The following VDAC3 variants were observed in gnomAD, a reference collection of about 807,000 sequenced individuals.
VDAC3 encodes non-selective voltage-gated ion channel VDAC3.
VDAC3 carries 7 observed loss-of-function variants against 33.9 expected under a neutral mutation model. The ratio of observed to expected loss-of-function variants is 0.21; its 90% CI spans 0.12 to 0.39. VDAC3 has a LOEUF of 0.39. Among genes scored for constraint, VDAC3 ranks in the 10% least tolerant of loss-of-function variants. The pLI, the probability that VDAC3 is intolerant of heterozygous loss-of-function variation, is 1.00. For synonymous variants in VDAC3, 100 were observed against 122.4 expected (o/e 0.82, Z 1.21); for missense variants, 261 against 334.5 (o/e 0.78, Z 1.71).
intron 6 of VDAC3, among the ~76,000 whole-genome samples, chr8:42,400,375 T>C (rs1802396025): frequency 6.6e-6 from 1 of 151,280 alleles, no homozygotes; most frequent in African/African-American, 2.4e-5. Context: ...CCTCACCCTC[T>C]CTTATGGTGC....
intron 7 of VDAC3, chr8:42,402,946 T>G (rs1189404636): frequency 5.3e-6 from 1 of 188,580 alleles, no homozygotes; most frequent in African/African-American, 2.4e-5. Flanking sequence ...TTTTTATTTT[T>G]TTGCAGAATC....
intron 4 of VDAC3, chr8:42,397,503 C>G (rs893998884): frequency 2.0e-5 from 3 of 152,114 alleles, no homozygotes; most frequent in Non-Finnish European, 4.4e-5. Flanking sequence ...CAGAAATGCT[C>G]CCTAAAACAG....
Position 42,405,532 on chromosome 8 carries a change from T to C in VDAC3, c.*70T>C. The C allele has an allele frequency of 3.8e-6, 5 of 1,318,204 alleles. No individual in the cohort carries two copies. Among genetic ancestry groups the C allele is most frequent in the Non-Finnish European group, 5.4e-6 (5 of 931,658 alleles). The allele number at this position is 1,318,204 out of a possible 1,614,324, so 81.7% of individuals were successfully genotyped here. ...AAATGAACCCACTATGTTTTGGCCT[T>C]AAAATTCTTCTGTGAAATTTCAAAA... is the stretch of plus-strand genomic sequence containing the variant. On this transcript the variant is annotated 3_prime_UTR_variant, in exon 10 of 10. Transcript: ENST00000022615.
chr8:42,403,740 G>A lies in VDAC3; in HGVS notation c.702+279G>A, dbSNP rs181203712. On this transcript the variant is annotated intron_variant, in intron 8 of 9. Transcript: ENST00000022615. ...AAAATACAAAAATTAGGTGGGCGTG[G>A]TAGGTGACGCCTGTAGTCCCAGCTA... 4.6e-5 allele frequency among the ~76,000 whole-genome samples: 7 copies of A among 152,274 alleles called. No individual in the cohort carries two copies. In the East Asian group the frequency reaches 1.2e-3, roughly 25 times the overall value.
intron 7 of VDAC3, chr8:42,402,234 C>T: frequency 1.7e-6 from 1 of 585,276 alleles, no homozygotes; most frequent in Admixed American, 3.0e-5. Context: ...GCACCCCAAA[C>T]TTGAGGAAGC....
chr8:42,398,250 G>A (rs2130887885), intron 4 of VDAC3, among the ~76,000 whole-genome samples: 1 of 152,300 alleles, frequency 6.6e-6, no homozygotes, highest in East Asian at 1.9e-4. Flanking sequence ...GAGAAGTAGA[G>A]TAATGGAAAG....
intron 6 of VDAC3, among the ~76,000 whole-genome samples, 164 bp downstream of exon 6, chr8:42,399,867 C>T (rs532956282): frequency 6.6e-6 from 1 of 152,176 alleles, no homozygotes; most frequent in African/African-American, 2.4e-5. Flanking sequence ...AAAGGAAGAT[C>T]CCTCCCCACC....
chr8:42,394,419 G>T, intron 3 of VDAC3, 141 bp downstream of exon 3: 1 of 723,820 alleles, frequency 1.4e-6, no homozygotes, highest in Non-Finnish European at 2.3e-6. Context: ...CTATTAACAG[G>T]CTATTAGACC....
chr8:42,404,973 GAA>G (rs758885086), intron 9 of VDAC3, 49 bp downstream of exon 9: 5 of 1,528,360 alleles, frequency 3.3e-6, no homozygotes, highest in Admixed American at 1.7e-5. Context: ...AGGTGATAGA[GAA>G]AACAATGAAA....
intron 6 of VDAC3, among the ~76,000 whole-genome samples, chr8:42,400,918 T>A (rs1416800195): frequency 1.3e-5 from 2 of 152,006 alleles, no homozygotes; most frequent in Non-Finnish European, 2.9e-5. Context: ...TGGCTCGGCC[T>A]CCCAAAATGC....
chr8:42,399,739 G>A (rs1395373561), intron 6 of VDAC3, 36 bp downstream of exon 6: 2 of 1,597,632 alleles, frequency 1.3e-6, no homozygotes, highest in South Asian at 1.1e-5. Flanking sequence ...AAACGTTTTT[G>A]GAGCCTGAAA....
In VDAC3 at chr8:42,402,030, T is replaced by A; in HGVS notation, c.551+15T>A. The A allele has an allele frequency of 6.2e-7, 1 of 1,612,762 alleles. No individual in the cohort carries two copies. The highest frequency in any genetic ancestry group is 8.5e-7 in the Non-Finnish European group (1 of 1,179,070). ...CACACACATGTGTGAGTGTTTATAA[T>A]TTATTCCTTAGTATCAGTGCAGTTG... On this transcript the variant is annotated intron_variant, in intron 7 of 9. Transcript: ENST00000022615.
chr8:42,394,853 T>G (rs1802278626), intron 3 of VDAC3, among the ~76,000 whole-genome samples: 1 of 152,222 alleles, frequency 6.6e-6, no homozygotes, highest in South Asian at 2.1e-4. Context: ...CATTTATTTT[T>G]TTCTTTAACT....
At chr8:42,397,686 C>T (rs1201926562) in intron 4 of VDAC3, 1 of 152,134 alleles carries the variant, frequency 6.6e-6, no homozygotes, top group Non-Finnish European at 1.5e-5. Flanking sequence ...GACAGAGTCT[C>T]ATTCATAGTA....
chr8:42,394,408 A>G (rs919517994), intron 3 of VDAC3, 130 bp downstream of exon 3: 7 of 797,364 alleles, frequency 8.8e-6, no homozygotes. Context: ...TAAGGGGATA[A>G]CTATTAACAG....
At chr8:42,404,118 A>T (rs1563423705) in intron 8 of VDAC3, among the ~76,000 whole-genome samples, 1 of 152,146 alleles carries the variant, frequency 6.6e-6, no homozygotes, top group Non-Finnish European at 1.5e-5. Context: ...ATATTATGTC[A>T]TTTAACGCTC....
chr8:42,399,447 A>G, intron 5 of VDAC3: 3 of 435,242 alleles, frequency 6.9e-6, no homozygotes, highest in Non-Finnish European at 1.3e-5. Context: ...GATTTGCCCC[A>G]TTTTTTAGTG....
At chr8:42,402,148 A>G (rs1459127567) in intron 7 of VDAC3, 133 bp downstream of exon 7, 15 of 997,712 alleles carry the variant, frequency 1.5e-5, no homozygotes, top group African/African-American at 8.1e-5. Context: ...TGCTATCCTC[A>G]TAGCAAAACC....
intron 9 of VDAC3, 30 bp downstream of exon 9, chr8:42,404,954 T>C: frequency 1.2e-6 from 2 of 1,601,272 alleles, no homozygotes; most frequent in Non-Finnish European, 1.7e-6. Flanking sequence ...ACAGAGGGGT[T>C]GAGGTGGAAG....
Sources: allele counts gnomAD v4.1 joint callset (sites outside exome capture counted in the v4.1 genomes callset), GRCh38; gene constraint gnomAD v4.1.1; transcripts MANE v1.5; gene names NCBI Gene and HGNC (gene_info 2026-07-23, HGNC 2026-07-21).